Variants in KCNAB1 observed in about 807,000 individuals in gnomAD.
KCNAB1 encodes the protein potassium voltage-gated channel subfamily A regulatory beta subunit 1.
Under a neutral mutation model 64.6 loss-of-function variants are expected in KCNAB1, and 35 were observed. That is an observed-to-expected ratio of 0.54 (90% CI 0.41 to 0.72). The LOEUF is 0.72. Among genes scored for constraint, KCNAB1 ranks in the 30% least tolerant of loss-of-function variants. The probability of loss-of-function intolerance (pLI) is 0.00; values close to 1 mark genes in which losing one functional copy is unlikely to be tolerated. For synonymous variants in KCNAB1, 177 were observed against 183.8 expected, an observed-to-expected ratio of 0.96 and a Z score of 0.30; for missense variants, 401 against 512.9, an observed-to-expected ratio of 0.78 and a Z score of 2.11.
intron 1 of KCNAB1, chr3:156,143,560 T>C: frequency 2.0e-6 from 1 of 512,282 alleles, no homozygotes; most frequent in Non-Finnish European, 3.2e-6. Context: ...CTTCTTGGGT[T>C]GCATTCTTGT....
rs149156435 is a variant in KCNAB1, at chr3:156,186,070, A to G, written c.275+65184A>G. Among the ~76,000 whole-genome samples the G allele has an allele frequency of 2.6e-5, 4 of 152,306 alleles. No individual in the cohort carries two copies. The East Asian group carries it at 7.7e-4, about 29-fold the overall frequency. ...AGCAGCTACTGAGCATAGTGCAGAAAAATCTCACTTTGCCAATCAATTGGC... is the reference window on the plus strand; with the variant it reads ...AGCAGCTACTGAGCATAGTGCAGAAGAATCTCACTTTGCCAATCAATTGGC... On this transcript the variant is annotated intron_variant, in intron 1 of 13. Coordinates refer to ENST00000490337, the MANE Select transcript of KCNAB1 (RefSeq NM_172160.3).
intron 1 of KCNAB1, among the ~76,000 whole-genome samples, chr3:156,375,318 G>A (rs1435136674): frequency 7.4e-6 from 1 of 134,444 alleles, no homozygotes; most frequent in Non-Finnish European, 1.5e-5. Context: ...TCCCTATGCA[G>A]CCCCTCACTC....
At chr3:156,276,500 G>A (rs1719354718) in intron 1 of KCNAB1, among the ~76,000 whole-genome samples, 1 of 152,188 alleles carries the variant, frequency 6.6e-6, no homozygotes, top group Non-Finnish European at 1.5e-5. Flanking sequence ...GAAAGTCCTA[G>A]ATGGCATCTT....
chr3:156,247,533 C>T (rs1717531989), intron 1 of KCNAB1, among the ~76,000 whole-genome samples: 1 of 152,064 alleles, frequency 6.6e-6, no homozygotes, highest in Admixed American at 6.5e-5. Context: ...TCTGGCCTGT[C>T]CTTTCTTCCA....
intron 3 of KCNAB1, chr3:156,457,143 T>A: frequency 1.9e-6 from 2 of 1,029,352 alleles, no homozygotes; most frequent in Non-Finnish European, 1.2e-6. Flanking sequence ...TCAGAAAGAT[T>A]AAGATGCCAT....
intron 1 of KCNAB1, among the ~76,000 whole-genome samples, chr3:156,209,417 A>G (rs901660582): frequency 2.0e-5 from 3 of 152,256 alleles, no homozygotes; most frequent in South Asian, 4.1e-4. Flanking sequence ...GCTCCTGCCT[A>G]TGTACAATGC....
intron 7 of KCNAB1, among the ~76,000 whole-genome samples, chr3:156,469,196 A>C (rs1198241166): frequency 1.4e-5 from 2 of 142,172 alleles, no homozygotes; most frequent in African/African-American, 5.3e-5. Flanking sequence ...TTGCTTTAAT[A>C]TTTACCAGAG....
chr3:156,524,746 C>CA lies in KCNAB1; in HGVS notation c.1081+829dup, dbSNP rs10553136. ...TGCGTGACAGAGCAAGACTCCATCT[C>CA]AAAAAAAAAAAAAAAAAAAAAAAAA... is the stretch of plus-strand genomic sequence containing the variant. On this transcript the variant is annotated intron_variant, in intron 12 of 13. Transcript: ENST00000490337. 2.2e-3 allele frequency among the ~76,000 whole-genome samples: 164 copies of CA among 74,444 alleles called. 7 individuals carry two copies. Among genetic ancestry groups the CA allele is most frequent in the East Asian group, 1.0e-2 (17 of 1,704 alleles). 48.8% of individuals were successfully genotyped at this position (74,444 alleles called of 152,430 possible). A position where few individuals can be genotyped will look rare whatever the true frequency, so the allele number is the denominator to read the frequency against.
intron 1 of KCNAB1, among the ~76,000 whole-genome samples, chr3:156,196,492 T>A (rs1713957984): frequency 6.6e-6 from 1 of 152,146 alleles, no homozygotes; most frequent in Admixed American, 6.5e-5. Flanking sequence ...CCTTGAGTAG[T>A]GGTTTATAGT....
chr3:156,268,504 T>A (rs1718848228), intron 1 of KCNAB1, among the ~76,000 whole-genome samples: 1 of 152,178 alleles, frequency 6.6e-6, no homozygotes, highest in Non-Finnish European at 1.5e-5. Flanking sequence ...TATAGGGGTT[T>A]CCTTTTCTCC....
At chr3:156,239,027 A>G (rs1300368889) in intron 1 of KCNAB1, among the ~76,000 whole-genome samples, 2 of 152,208 alleles carry the variant, frequency 1.3e-5, no homozygotes, top group African/African-American at 2.4e-5. Context: ...ACTCAGAGAT[A>G]AGACAATTGA....
At position 156,536,897 on chromosome 3, in the gene KCNAB1, C is replaced by T. The variant is rs72558056; in HGVS notation, c.*150C>T. 64 of 629,440 alleles carry T rather than the reference C, an allele frequency of 1.0e-4. No homozygotes were observed. The highest frequency in any genetic ancestry group is 9.5e-4 in the East Asian group (35 of 36,894). The allele number at this position is 629,440 out of a possible 1,614,324, so 39.0% of individuals were successfully genotyped here. On this transcript the variant is annotated 3_prime_UTR_variant, in exon 14 of 14. Coordinates refer to ENST00000490337, the MANE Select transcript of KCNAB1 (RefSeq NM_172160.3). Reference sequence around the variant, plus strand: ...CTGGATTCTTTGAGGTGTCTGCTGTCGCTACCACTGTGCACATCTGAAAAC... The same window carrying T: ...CTGGATTCTTTGAGGTGTCTGCTGTTGCTACCACTGTGCACATCTGAAAAC...
At chr3:156,467,895 A>C (rs534662304) in intron 7 of KCNAB1, among the ~76,000 whole-genome samples, 1 of 152,042 alleles carries the variant, frequency 6.6e-6, no homozygotes, top group Non-Finnish European at 1.5e-5. Context: ...CCTTATTTAT[A>C]TATTTATTTA....
At chr3:156,435,003 A>T (rs997099411) in intron 2 of KCNAB1, among the ~76,000 whole-genome samples, 1 of 152,224 alleles carries the variant, frequency 6.6e-6, no homozygotes, top group Admixed American at 6.5e-5. Context: ...GGAAGGTGAT[A>T]AAGGACATAT....
chr3:156,442,100 T>G (rs1717048215), intron 2 of KCNAB1, among the ~76,000 whole-genome samples: 1 of 152,142 alleles, frequency 6.6e-6, no homozygotes, highest in African/African-American at 2.4e-5. Context: ...CCTATCAGGC[T>G]CAAGATGCTA....
At chr3:156,480,855 G>C (rs924917654) in intron 8 of KCNAB1, among the ~76,000 whole-genome samples, 4 of 152,100 alleles carry the variant, frequency 2.6e-5, no homozygotes, top group African/African-American at 7.2e-5. Context: ...CAGTCTGACA[G>C]AGCCGCAGAC....
At chr3:156,286,188 A>G (rs1720090854) in intron 1 of KCNAB1, among the ~76,000 whole-genome samples, 1 of 152,208 alleles carries the variant, frequency 6.6e-6, no homozygotes. Context: ...TGTTATTCAA[A>G]ATGCTGTGCT....
At chr3:156,290,087 G>A (rs1720311799) in intron 1 of KCNAB1, among the ~76,000 whole-genome samples, 1 of 152,208 alleles carries the variant, frequency 6.6e-6, no homozygotes, top group Admixed American at 6.5e-5. Context: ...GGACTTGGTA[G>A]AAGTGTGGGG....
chr3:156,376,763 G>T (rs994753876), intron 1 of KCNAB1, among the ~76,000 whole-genome samples: 1 of 152,184 alleles, frequency 6.6e-6, no homozygotes, highest in Non-Finnish European at 1.5e-5. Context: ...CCAAGGGAGG[G>T]TTGTTTAGTT....
Sources: gnomAD v4.1 joint callset for allele counts (sites outside exome capture counted in the v4.1 genomes callset) on GRCh38, gnomAD v4.1.1 for gene constraint, MANE v1.5 for transcripts, NCBI Gene and HGNC (gene_info 2026-07-23, HGNC 2026-07-21) for gene names.